The following ZBTB20 variants were observed in gnomAD, a reference collection of about 807,000 sequenced individuals.
The protein encoded by ZBTB20 is zinc finger and BTB domain-containing protein 20.
Under a neutral mutation model 56.9 loss-of-function variants are expected in ZBTB20, and 9 were observed. That is an observed-to-expected ratio of 0.16 (90% CI 0.10 to 0.28). The LOEUF (loss-of-function observed/expected upper bound fraction) is 0.28, where lower values mean the gene tolerates loss of function less well. Ranked by LOEUF, ZBTB20 falls within the 10% of genes least tolerant of loss-of-function variation. The pLI is 1.00. For missense variants in ZBTB20, 655 were observed against 1,003.0 expected, an observed-to-expected ratio of 0.65 and a Z score of 4.69; for synonymous variants, 417 against 420.7, an observed-to-expected ratio of 0.99 and a Z score of 0.11.
At chr3:114,596,917 T>G (rs1264652016) in intron 6 of ZBTB20, among the ~76,000 whole-genome samples, 2 of 152,190 alleles carry the variant, frequency 1.3e-5, no homozygotes, top group African/African-American at 4.8e-5. Context: ...TTTAATCATT[T>G]CATTGCATGG....
At chr3:114,982,756 A>G (rs2078381256) in intron 2 of ZBTB20, among the ~76,000 whole-genome samples, 1 of 151,996 alleles carries the variant, frequency 6.6e-6, no homozygotes, top group Admixed American at 6.6e-5. Context: ...AGTGTGCTGC[A>G]CCCAGTAACT....
chr3:115,008,167 T>C (rs1576549936), intron 2 of ZBTB20, among the ~76,000 whole-genome samples: 1 of 152,092 alleles, frequency 6.6e-6, no homozygotes, highest in East Asian at 1.9e-4. Context: ...CTGCTGACTA[T>C]GGAATATCTT....
chr3:114,509,842 C>A (rs1183384555), intron 6 of ZBTB20, among the ~76,000 whole-genome samples: 1 of 152,146 alleles, frequency 6.6e-6, no homozygotes, highest in Non-Finnish European at 1.5e-5. Context: ...CCCTAGAAAT[C>A]CTGGCCTGTG....
intron 7 of ZBTB20, among the ~76,000 whole-genome samples, chr3:114,440,858 G>A (rs1443407154): frequency 6.6e-6 from 1 of 152,116 alleles, no homozygotes; most frequent in Non-Finnish European, 1.5e-5. Context: ...AGAGCTTTCT[G>A]TGCACCTTCC....
At chr3:114,973,174 C>T (rs1288997945) in intron 3 of ZBTB20, among the ~76,000 whole-genome samples, 1 of 152,160 alleles carries the variant, frequency 6.6e-6, no homozygotes, top group East Asian at 1.9e-4. Context: ...TTTAAGAGTA[C>T]ATCTTTAGTA....
At chr3:114,881,454 G>C (rs2076393240) in intron 4 of ZBTB20, among the ~76,000 whole-genome samples, 1 of 151,948 alleles carries the variant, frequency 6.6e-6, no homozygotes, top group Admixed American at 6.6e-5. Context: ...AAGTGCTTTT[G>C]TTAAGTAAAT....
At chr3:114,360,136 TA>T (rs1419024264) in intron 10 of ZBTB20, among the ~76,000 whole-genome samples, 21 of 151,286 alleles carry the variant, frequency 1.4e-4, no homozygotes, top group Admixed American at 1.4e-3. Context: ...TGGCAAAAAA[TA>T]TCATTGAGTT....
At chr3:114,478,516 T>A (rs35800095) in intron 7 of ZBTB20, among the ~76,000 whole-genome samples, 2,749 of 152,350 alleles carry the variant, frequency 0.018, 48 homozygotes, top group Non-Finnish European at 0.024. Context: ...ATAGCTATCA[T>A]GGTTTTAAAC....
intron 4 of ZBTB20, among the ~76,000 whole-genome samples, chr3:114,853,138 T>G (rs2075078930): frequency 6.6e-6 from 1 of 152,216 alleles, no homozygotes; most frequent in Non-Finnish European, 1.5e-5. Flanking sequence ...TTGGCACATG[T>G]GGCAGGCTGG....
intron 7 of ZBTB20, among the ~76,000 whole-genome samples, chr3:114,421,621 G>T (rs2089182649): frequency 6.6e-6 from 1 of 152,046 alleles, no homozygotes; most frequent in South Asian, 2.1e-4. Flanking sequence ...CCTGCAGTAG[G>T]TATAGGTTAT....
chr3:114,591,902 C>T (rs1205185460), intron 6 of ZBTB20, among the ~76,000 whole-genome samples: 3 of 152,086 alleles, frequency 2.0e-5, no homozygotes, highest in Non-Finnish European at 2.9e-5. Flanking sequence ...TGATTTGCAA[C>T]CATTTAGAAG....
chr3:114,629,892 C>T (rs2058846920), intron 6 of ZBTB20, among the ~76,000 whole-genome samples: 1 of 152,170 alleles, frequency 6.6e-6, no homozygotes, highest in Admixed American at 6.5e-5. Context: ...CGCAGGGGCT[C>T]ATGCCTGTAA....
chr3:114,483,362 T>G (rs1277625940), intron 7 of ZBTB20, among the ~76,000 whole-genome samples: 1 of 151,820 alleles, frequency 6.6e-6, no homozygotes, highest in African/African-American at 2.4e-5. Context: ...AATAAATGAG[T>G]GAAAGCATGC....
At chr3:114,852,207 T>C (rs2075035124) in intron 4 of ZBTB20, among the ~76,000 whole-genome samples, 1 of 152,044 alleles carries the variant, frequency 6.6e-6, no homozygotes, top group Non-Finnish European at 1.5e-5. Context: ...ATTTGTCTTA[T>C]CACTTATTCA....
At chr3:114,851,041 C>G (rs2074976672) in intron 4 of ZBTB20, among the ~76,000 whole-genome samples, 1 of 152,158 alleles carries the variant, frequency 6.6e-6, no homozygotes, top group Admixed American at 6.5e-5. Context: ...TCCTGTCTAC[C>G]CAAACTCTCT....
At chr3:114,894,313 C>G (rs1184140304) in intron 4 of ZBTB20, among the ~76,000 whole-genome samples, 2 of 152,178 alleles carry the variant, frequency 1.3e-5, no homozygotes, top group African/African-American at 4.8e-5. Flanking sequence ...TATTACATAT[C>G]TATATATACA....
chr3:114,451,205 C>CAAAA lies in ZBTB20; in HGVS notation c.-255+49143_-255+49146dup, dbSNP rs10667324. The stretch of plus-strand genomic sequence containing the variant: ...TGCTTTCAAGCTTAACAGAGGATGC[C>CAAAA]AAAAAAAAAAAAAAAATCAACGATT... On this transcript the variant is annotated intron_variant, in intron 7 of 11. Transcript: ENST00000675478. 1.2e-4 allele frequency among the ~76,000 whole-genome samples: 17 copies of CAAAA among 136,312 alleles called. No individual in the cohort carries two copies. In the East Asian group the frequency reaches 1.5e-3, roughly 12 times the overall value. 89.4% of individuals were successfully genotyped at this position (136,312 alleles called of 152,430 possible).
At chr3:114,869,633 T>C (rs1171860653) in intron 4 of ZBTB20, among the ~76,000 whole-genome samples, 1 of 152,160 alleles carries the variant, frequency 6.6e-6, no homozygotes, top group African/African-American at 2.4e-5. Flanking sequence ...TCCTTTTATA[T>C]TTTCATCAAA....
chr3:115,017,064 T>C (rs1216131926), intron 2 of ZBTB20, among the ~76,000 whole-genome samples: 1 of 151,406 alleles, frequency 6.6e-6, no homozygotes, highest in Non-Finnish European at 1.5e-5. Context: ...AATAAACATA[T>C]TCAAATAGGG....
Sources: allele counts gnomAD v4.1 joint callset (sites outside exome capture counted in the v4.1 genomes callset), GRCh38; gene constraint gnomAD v4.1.1; transcripts MANE v1.5; gene names NCBI Gene and HGNC (gene_info 2026-07-23, HGNC 2026-07-21).